The following PIH1D2 variants were observed in gnomAD, a reference collection of about 807,000 sequenced individuals.
The protein encoded by PIH1D2 is PIH1 domain-containing protein 2.
In PIH1D2, 25 loss-of-function variants were observed where a neutral mutation model predicts 31.2. The observed-to-expected ratio is 0.80, with a 90% CI of 0.58 to 1.12. The LOEUF is 1.12. PIH1D2 is among the 50% of genes most tolerant of loss of function. PIH1D2 has a pLI of 0.00. For missense variants in PIH1D2, 310 were observed against 356.6 expected (o/e 0.87, Z 1.05); for synonymous variants, 116 against 119.9 (o/e 0.97, Z 0.21).
Position 112,071,144 on chromosome 11 carries a change from A to C in PIH1D2, c.441T>G (p.Ser147=). 6.2e-7 allele frequency: 1 copy of C among 1,613,950 alleles called. No individual in the cohort carries two copies. The highest frequency in any genetic ancestry group is 8.5e-7 in the Non-Finnish European group (1 of 1,179,944). ...TTATTCTAAATTTGGTAATATGGTAAGAGTGTGAGAGGGTGAACTGGAATT... is the reference window on the plus strand; with the variant it reads ...TTATTCTAAATTTGGTAATATGGTACGAGTGTGAGAGGGTGAACTGGAATT... ...EEKFQFTLSH[S]YHITKFRIKG... Residue 147 remains serine, a synonymous_variant, in exon 4 of 6, where the codon TCT becomes TCG. Coordinates refer to ENST00000280350, the MANE Select transcript of PIH1D2 (RefSeq NM_138789.4).
At chr11:112,068,982 GTTTTTTT>G (rs1230809846) in intron 5 of PIH1D2, among the ~76,000 whole-genome samples, 2 of 88,432 alleles carry the variant, frequency 2.3e-5, no homozygotes, top group African/African-American at 6.1e-5. Flanking sequence ...AATTTTTTTT[GTTTTTTT>G]TTTTTTTTGT....
downstream of PIH1D2, among the ~76,000 whole-genome samples, chr11:112,058,567 A>C (rs1864265983): frequency 7.2e-6 from 1 of 138,712 alleles, no homozygotes; most frequent in African/African-American, 2.6e-5. Context: ...GAGACCACGG[A>C]TAAAATCCAT....
At chr11:112,072,864 AAAAAC>A (rs1209498913) in intron 2 of PIH1D2, 129 bp downstream of exon 2, 156 of 988,820 alleles carry the variant, frequency 1.6e-4, no homozygotes, top group South Asian at 3.6e-4. Context: ...CTCTGTCTCA[AAAAAC>A]AAAACAAAAC....
chr11:112,071,431 T>A, intron 3 of PIH1D2, 148 bp from the exon 4 acceptor site: 1 of 1,277,544 alleles, frequency 7.8e-7, no homozygotes, highest in Admixed American at 2.5e-5. Context: ...ACAGCAATTA[T>A]GACATTTCTT....
downstream of PIH1D2, chr11:112,060,096 G>T: frequency 1.9e-6 from 3 of 1,544,190 alleles, no homozygotes; most frequent in South Asian, 1.1e-5. Context: ...TTCTAATTAT[G>T]TTATTTTTAA....
rs201824428 is a variant in PIH1D2, at chr11:112,073,155, C to T, written c.20G>A (p.Gly7Asp). Residue 7 changes from glycine to aspartate, a missense_variant, in exon 2 of 6, where the codon GGT becomes GAT. Gly to Asp is a moderately conservative substitution (Grantham distance 94). Transcript: ENST00000280350. Reference sequence around the variant, plus strand: ...AAACTGAGTAACTTGGGTAAGCAGACCTTTTGAGGATGTCTCCATGACTTA... The same window carrying T: ...AAACTGAGTAACTTGGGTAAGCAGATCTTTTGAGGATGTCTCCATGACTTA... METSSK[G>D]LLTQVTQFWN... 8.7e-5 allele frequency: 140 copies of T among 1,612,238 alleles called. No individual in the cohort carries two copies. Among genetic ancestry groups the T allele is most frequent in the Middle Eastern group, 1.7e-4 (1 of 6,048 alleles).
At chr11:112,058,841 CTTA>C (rs1864318654), downstream of PIH1D2, among the ~76,000 whole-genome samples, 1 of 152,072 alleles carries the variant, frequency 6.6e-6, no homozygotes, top group South Asian at 2.1e-4. Context: ...GCAACAAGAT[CTTA>C]TTATTGAGTG....
downstream of PIH1D2, chr11:112,061,356 C>T (rs190822285): frequency 7.0e-4 from 450 of 639,616 alleles, 2 homozygotes; most frequent in Non-Finnish European, 8.7e-4. Context: ...ATTCTGTATA[C>T]TTTATTCTTG....
Position 112,073,221 on chromosome 11 carries a change from A to G in PIH1D2, c.-31-16T>C, listed in dbSNP as rs782352331. The G allele has an allele frequency of 4.8e-6, 7 of 1,469,100 alleles. No individual in the cohort carries two copies. The South Asian group carries it at 9.0e-5, about 19-fold the overall frequency. 91.0% of individuals were successfully genotyped at this position (1,469,100 alleles called of 1,614,324 possible). ...TTTCTTAAGCCTGTGGAAAAACACG[A>G]CTTCAGGAAGAAAACTGTCTGTGTA... On this transcript the variant is annotated splice_polypyrimidine_tract_variant and intron_variant, in intron 1 of 5. Coordinates refer to ENST00000280350, the MANE Select transcript of PIH1D2 (RefSeq NM_138789.4).
At chr11:112,071,783 T>C in intron 2 of PIH1D2, 25 bp from the exon 3 acceptor site, 3 of 1,613,102 alleles carry the variant, frequency 1.9e-6, no homozygotes. Context: ...ATTTTGCACA[T>C]CTCAAAACCT....
At chr11:112,072,128 T>C (rs1196630162) in intron 2 of PIH1D2, among the ~76,000 whole-genome samples, 10 of 151,980 alleles carry the variant, frequency 6.6e-5, no homozygotes, top group African/African-American at 2.4e-4. Context: ...TAAAAAATAA[T>C]ATCCTAAAAG....
chr11:112,059,318 G>A (rs1194723557), downstream of PIH1D2, among the ~76,000 whole-genome samples: 2 of 151,428 alleles, frequency 1.3e-5, no homozygotes, highest in South Asian at 4.2e-4. Flanking sequence ...CGATATGTGC[G>A]AAACCAACCT....
At chr11:112,059,858 C>T, downstream of PIH1D2, 9 of 1,481,108 alleles carry the variant, frequency 6.1e-6, no homozygotes, top group Non-Finnish European at 8.2e-6. Flanking sequence ...CACACAGGCT[C>T]TTAATAAACA....
rs782602924 is a variant in PIH1D2 at position 112,067,875 on chromosome 11, A to G, written c.944T>C (p.Val315Ala). 3 of 1,612,122 alleles carry G rather than the reference A, an allele frequency of 1.9e-6. No homozygotes were observed. The highest frequency in any genetic ancestry group is 1.7e-6 in the Non-Finnish European group (2 of 1,179,460). Residue 315 changes from valine to alanine, a missense_variant, in exon 6 of 6, where the codon GTG becomes GCG. Val to Ala is a moderately conservative substitution (Grantham distance 64, BLOSUM62 0). Coordinates refer to ENST00000280350, the MANE Select transcript of PIH1D2 (RefSeq NM_138789.4). ...KSTLIITMPL[V>A] ...AAAACATATGATGCTCTTCTTTCACACCAAAGGCATTGTGATGATTAGCGT... is the reference window on the plus strand; with the variant it reads ...AAAACATATGATGCTCTTCTTTCACGCCAAAGGCATTGTGATGATTAGCGT...
At chr11:112,063,223 T>C (rs782772413), downstream of PIH1D2, 5 of 152,192 alleles carry the variant, frequency 3.3e-5, no homozygotes, top group Non-Finnish European at 5.9e-5. Flanking sequence ...ACTGAGAATT[T>C]GTGTGGATAT....
chr11:112,062,648 T>A, downstream of PIH1D2: 2 of 1,269,584 alleles, frequency 1.6e-6, no homozygotes, highest in Non-Finnish European at 2.2e-6. Context: ...TTTTTATTAT[T>A]GAGTCTGTCC....
At chr11:112,060,488 CTT>C (rs1158902768), downstream of PIH1D2, among the ~76,000 whole-genome samples, 3 of 151,760 alleles carry the variant, frequency 2.0e-5, no homozygotes, top group African/African-American at 7.3e-5. Flanking sequence ...GAGTCTCACT[CTT>C]GTCACCCAGG....
At chr11:112,073,305 GT>G in intron 1 of PIH1D2, 100 bp from the exon 2 acceptor site, 1 of 777,888 alleles carries the variant, frequency 1.3e-6, no homozygotes, top group Non-Finnish European at 2.0e-6. Context: ...TTTTGGTGAA[GT>G]TAGGACAGCA....
the PIH1D2 span, among the ~76,000 whole-genome samples, chr11:112,054,881 CCA>C: frequency 6.6e-6 from 1 of 152,136 alleles, no homozygotes; most frequent in African/African-American, 2.4e-5. Context: ...TTGCATAACT[CCA>C]GTCTCTTCTT....
Sources: gnomAD v4.1 joint callset for allele counts (sites outside exome capture counted in the v4.1 genomes callset) on GRCh38, gnomAD v4.1.1 for gene constraint, MANE v1.5 for transcripts, NCBI Gene and HGNC (gene_info 2026-07-23, HGNC 2026-07-21) for gene names.